The following PITPNM2 variants were observed in gnomAD, a reference collection of about 807,000 sequenced individuals.
The protein encoded by PITPNM2 is phosphatidylinositol transfer protein membrane associated 2, also known as membrane-associated phosphatidylinositol transfer protein 2.
In PITPNM2, 35 loss-of-function variants were observed where a neutral mutation model predicts 132.2. The ratio of observed to expected loss-of-function variants is 0.26; its 90% confidence interval spans 0.20 to 0.35. The LOEUF is 0.35. PITPNM2 is among the 10% of genes least tolerant of loss of function. The pLI is 1.00. For missense variants in PITPNM2, 1,332 were observed against 1,912.0 expected, an observed-to-expected ratio of 0.70 and a Z score of 5.66; for synonymous variants, 738 against 799.2, an observed-to-expected ratio of 0.92 and a Z score of 1.29.
chr12:123,129,350 C>T (rs888248934), intron 1 of PITPNM2, among the ~76,000 whole-genome samples: 9 of 151,760 alleles, frequency 5.9e-5, no homozygotes, highest in South Asian at 2.1e-4. Flanking sequence ...GGGCGGATCA[C>T]GAGGTCAGGA....
intron 2 of PITPNM2, among the ~76,000 whole-genome samples, chr12:123,103,884 T>G (rs2042626086): frequency 6.8e-6 from 1 of 147,652 alleles, no homozygotes; most frequent in Admixed American, 6.6e-5. Flanking sequence ...TCTACCTTTA[T>G]TTATTTTGTT....
chr12:123,128,041 G>A (rs1286846168), intron 1 of PITPNM2, among the ~76,000 whole-genome samples: 2 of 151,984 alleles, frequency 1.3e-5, no homozygotes, highest in Non-Finnish European at 2.9e-5. Context: ...CTTCCTAGAT[G>A]TTATTTGGCC....
chr12:122,989,812 G>T lies in PITPNM2; in HGVS notation c.2706C>A (p.Gly902=). 1 of 1,403,908 alleles carries T rather than the reference G, an allele frequency of 7.1e-7. No homozygotes were observed. Among genetic ancestry groups the T allele is most frequent in the Non-Finnish European group, 9.3e-7 (1 of 1,075,262 alleles). 87.0% of individuals were successfully genotyped at this position (1,403,908 alleles called of 1,614,324 possible). ...KASPGLERAP[G]LPELDIGEVA... ...CTTCTCCAATGTCCAGCTCAGGGAG[G>T]CCAGGGGCCCTCTCCAGGCCAGGGC... Residue 902 remains glycine, a synonymous_variant, in exon 18 of 26, where the codon GGC becomes GGA. Transcript: ENST00000320201.
intron 3 of PITPNM2, among the ~76,000 whole-genome samples, chr12:123,021,222 C>G (rs1046255516): frequency 1.3e-5 from 2 of 152,118 alleles, no homozygotes; most frequent in Non-Finnish European, 2.9e-5. Context: ...GTCCTGTGCT[C>G]AAACTGGGTA....
chr12:123,134,434 A>C (rs898107850), intron 1 of PITPNM2, among the ~76,000 whole-genome samples: 3 of 152,108 alleles, frequency 2.0e-5, no homozygotes, highest in Admixed American at 1.3e-4. Context: ...CACCTCCTGC[A>C]AGAGTCTGCG....
At chr12:123,025,513 A>G (rs1005591720) in intron 3 of PITPNM2, among the ~76,000 whole-genome samples, 4 of 147,088 alleles carry the variant, frequency 2.7e-5, no homozygotes, top group Non-Finnish European at 5.9e-5. Flanking sequence ...GGCTCACCGC[A>G]TCCTCTGCCT....
At position 123,077,825 on chromosome 12, in the gene PITPNM2, G is replaced by T. The variant is rs1369518614; in HGVS notation, c.-96+32560C>A. Reference sequence around the variant, plus strand: ...GGAAGCCAATGTGAGGGAAGGGGTGGGGGGACAAAGTATCAGAGCCAGGAG... The same window carrying T: ...GGAAGCCAATGTGAGGGAAGGGGTGTGGGGACAAAGTATCAGAGCCAGGAG... On this transcript the variant is annotated intron_variant, in intron 2 of 25. Transcript: ENST00000320201. This position sits in a 1 kb window ranked among gnomAD's most constrained non-coding sequence, Gnocchi z 4.8. Among the ~76,000 whole-genome samples, 2 of 152,280 alleles carry T rather than the reference G, an allele frequency of 1.3e-5. No homozygotes were observed. Among genetic ancestry groups the T allele is most frequent in the African/African-American group, 4.8e-5 (2 of 41,570 alleles).
intron 2 of PITPNM2, among the ~76,000 whole-genome samples, chr12:123,048,498 T>C (rs572550127): frequency 3.3e-5 from 5 of 152,054 alleles, no homozygotes; most frequent in East Asian, 2.0e-4. Flanking sequence ...CTGCAAGCTC[T>C]GCTTCCCCGG....
Position 123,026,749 on chromosome 12 carries a change from C to T in PITPNM2, c.78+7764G>A, listed in dbSNP as rs145252769. Among the ~76,000 whole-genome samples the T allele has an allele frequency of 2.2e-4, 34 of 152,362 alleles. No individual in the cohort carries two copies. In the East Asian group the frequency reaches 6.4e-3, roughly 29 times the overall value. On this transcript the variant is annotated intron_variant, in intron 3 of 25. Transcript: ENST00000320201. ...GACAGCAGGCTCACCCAGTAGCATCCTGTGCGGTCTAGGGAGGATGCCTCC... is the reference window on the plus strand; with the variant it reads ...GACAGCAGGCTCACCCAGTAGCATCTTGTGCGGTCTAGGGAGGATGCCTCC...
In PITPNM2 at chr12:123,000,786, T is replaced by C. The variant is rs781595371; in HGVS notation, c.1216A>G (p.Ile406Val). Residue 406 changes from isoleucine to valine, a missense_variant, in exon 10 of 26, where the codon ATC (isoleucine) becomes GTC (valine). By Grantham distance (29) the Ile-to-Val change is conservative. This residue lies in a region of PITPNM2 where 710 missense variants were observed against 911.5 expected (regional missense o/e 0.78). Transcript: ENST00000320201. This position sits in a 1 kb window ranked among gnomAD's most constrained non-coding sequence, Gnocchi z 5.4. Reference protein sequence around the residue: ...RVASSVEQLNIIEDEVSQPLA... With the variant: ...RVASSVEQLNVIEDEVSQPLA... The stretch of plus-strand genomic sequence containing the variant: ...GACACCCGGGCACCCACCTCTATGA[T>C]GTTCAGCTGCTCCACACTGGAGGCC... 13 of 1,613,908 alleles carry C rather than the reference T, an allele frequency of 8.1e-6. No homozygotes were observed. In the African/African-American group the frequency reaches 1.3e-4, roughly 17 times the overall value.
At chr12:123,113,920 C>A (rs2042888184) in intron 1 of PITPNM2, among the ~76,000 whole-genome samples, 1 of 152,196 alleles carries the variant, frequency 6.6e-6, no homozygotes, top group Non-Finnish European at 1.5e-5. Flanking sequence ...ATTCTAGATA[C>A]TTCACATAAA....
At chr12:123,084,033 G>A (rs1451490439) in intron 2 of PITPNM2, 1 of 152,304 alleles carries the variant, frequency 6.6e-6, no homozygotes, top group African/African-American at 2.4e-5. Flanking sequence ...CCATGACAGG[G>A]ACCCTTGAGG....
chr12:123,012,673 C>T lies in PITPNM2; in HGVS notation c.355G>A (p.Ala119Thr). ...TTGAACACGTCGGGGTTTTCTCCAGCATCAGTTTTATAAAAGGTTTCAATG... is the reference window on the plus strand; with the variant it reads ...TTGAACACGTCGGGGTTTTCTCCAGTATCAGTTTTATAAAAGGTTTCAATG... ...IDIETFYKTD[A>T]GENPDVFNLS... Residue 119 changes from alanine to threonine, a missense_variant, in exon 5 of 26, where the codon GCT becomes ACT. Transcript: ENST00000320201. The T allele has an allele frequency of 6.2e-7, 1 of 1,614,136 alleles. No individual in the cohort carries two copies. The highest frequency in any genetic ancestry group is 1.3e-5 in the African/African-American group (1 of 75,044).
At chr12:123,118,523 A>T (rs1333226144) in intron 1 of PITPNM2, among the ~76,000 whole-genome samples, 1 of 152,250 alleles carries the variant, frequency 6.6e-6, no homozygotes, top group African/African-American at 2.4e-5. Flanking sequence ...AAAGAGGGAA[A>T]TATGCTGGGT....
chr12:123,054,176 G>A (rs1346759081), intron 2 of PITPNM2, among the ~76,000 whole-genome samples: 10 of 151,886 alleles, frequency 6.6e-5, no homozygotes, highest in African/African-American at 1.2e-4. Flanking sequence ...AGTGTATGGC[G>A]CAGTCATAGC....
intron 1 of PITPNM2, among the ~76,000 whole-genome samples, chr12:123,124,840 T>C (rs898663542): frequency 1.3e-5 from 2 of 152,254 alleles, no homozygotes; most frequent in Non-Finnish European, 1.5e-5. Context: ...CTTTATATTT[T>C]ATTACTGAAC....
intron 1 of PITPNM2, among the ~76,000 whole-genome samples, chr12:123,132,931 T>C (rs888291953): frequency 3.9e-5 from 6 of 152,192 alleles, no homozygotes; most frequent in African/African-American, 1.4e-4. Flanking sequence ...ACAGACCACG[T>C]TCTGTTTATC....
intron 2 of PITPNM2, among the ~76,000 whole-genome samples, chr12:123,039,926 G>A (rs571660237): frequency 6.6e-6 from 1 of 152,224 alleles, no homozygotes; most frequent in Non-Finnish European, 1.5e-5. Context: ...GAGGTCAGGA[G>A]TTTGAGACCA....
In PITPNM2 at chr12:123,106,549, C is replaced by G. The variant is rs1292599484; in HGVS notation, c.-96+3836G>C. Among the ~76,000 whole-genome samples, 1 of 152,232 alleles carries G rather than the reference C, an allele frequency of 6.6e-6. No individual in the cohort carries two copies. On this transcript the variant is annotated intron_variant, in intron 2 of 25. Coordinates refer to ENST00000320201, the MANE Select transcript of PITPNM2 (RefSeq NM_020845.3). This position sits in a 1 kb window ranked among gnomAD's most constrained non-coding sequence, Gnocchi z 4.4. ...GGAGACTGAGAAGAGCCAGCAATTT[C>G]TGGCTAAAGCCCTGCGTACTGAGCA...
Sources: gnomAD v4.1 joint callset for allele counts (sites outside exome capture counted in the v4.1 genomes callset) on GRCh38, gnomAD v4.1.1 for gene constraint, gnomAD v4.1.1 regional missense constraint, Gnocchi (gnomAD v3.1) non-coding constraint, MANE v1.5 for transcripts, NCBI Gene and HGNC (gene_info 2026-07-23, HGNC 2026-07-21) for gene names.